The following ITPR3 variants were observed in gnomAD, a reference collection of about 807,000 sequenced individuals.
ITPR3 encodes the protein inositol 1,4,5-trisphosphate receptor type 3, also known as inositol 1,4,5-trisphosphate-gated calcium channel ITPR3.
Under a neutral mutation model 293.2 loss-of-function variants are expected in ITPR3, and 173 were observed. That is an observed-to-expected ratio of 0.59 (90% CI 0.52 to 0.67). ITPR3 has a LOEUF of 0.67. ITPR3 is among the 30% of genes least tolerant of loss of function. ITPR3 has a pLI of 0.00. For synonymous variants in ITPR3, 1,295 were observed against 1,444.4 expected (o/e 0.90, Z 2.35); for missense variants, 2,796 against 3,592.1 (o/e 0.78, Z 5.66).
Position 33,682,702 on chromosome 6 carries a change from G to T in ITPR3, c.4597+58G>T. 1 of 1,546,592 alleles carries T rather than the reference G, an allele frequency of 6.5e-7. No individual in the cohort carries two copies. The highest frequency in any genetic ancestry group is 8.7e-7 in the Non-Finnish European group (1 of 1,154,760). ...CCACTCCTCCTGCCGCTCACAGTGG[G>T]GACGCCTGCCCTCCTAATAAACACT... is the stretch of plus-strand genomic sequence containing the variant. On this transcript the variant is annotated intron_variant, in intron 34 of 57. Coordinates refer to ENST00000605930, the MANE Select transcript of ITPR3 (RefSeq NM_002224.4). The surrounding 1 kb of genome is among the most constrained non-coding windows in gnomAD (Gnocchi z 5.4).
Position 33,670,380 on chromosome 6 carries a change from G to T in ITPR3, c.2245G>T (p.Asp749Tyr). ...MCLDRQYLAI[D>Y]EISQQLGVDL... ...CTTGGACCGCCAGTACTTGGCCATC[G>T]ACGAGATCTCCCAGCAGCTGGGCGT... is the stretch of plus-strand genomic sequence containing the variant. The change falls in exon 19 of 58, where the codon GAC becomes TAC. Residue 749 changes from aspartate (D) to tyrosine (Y), a missense_variant. Physicochemically the swap from Asp to Tyr is radical, Grantham distance 160. Coordinates refer to ENST00000605930, the MANE Select transcript of ITPR3 (RefSeq NM_002224.4). This position sits in a 1 kb window ranked among gnomAD's most constrained non-coding sequence, Gnocchi z 6.7. 6.2e-7 allele frequency: 1 copy of T among 1,614,060 alleles called. No homozygotes were observed. Among genetic ancestry groups the T allele is most frequent in the East Asian group, 2.2e-5 (1 of 44,878 alleles).
chr6:33,675,864 G>C lies in ITPR3; in HGVS notation c.3282+8G>C, dbSNP rs1246911073. 6.4e-7 allele frequency: 1 copy of C among 1,553,164 alleles called. No homozygotes were observed. The highest frequency in any genetic ancestry group is 8.7e-7 in the Non-Finnish European group (1 of 1,148,124). ...ATGCACACCTTCAAGCAGGTGACGGGACTACCTGGCCCTGGCCCTGAGCAT... is the reference window on the plus strand; with the variant it reads ...ATGCACACCTTCAAGCAGGTGACGGCACTACCTGGCCCTGGCCCTGAGCAT... On this transcript the variant is annotated splice_region_variant and intron_variant, in intron 25 of 57. Transcript: ENST00000605930. The surrounding 1 kb of genome is among the most constrained non-coding windows in gnomAD (Gnocchi z 5.0).
Position 33,688,081 on chromosome 6 carries a change from T to A in ITPR3, c.6289T>A (p.Ser2097Thr). Residue 2097 changes from serine (S) to threonine (T), a missense_variant, in exon 47 of 58, where the codon TCA (serine) becomes ACA (threonine). Around this residue, in one of 8 missense-constraint regions of ITPR3, gnomAD observed 568 missense variants for 796.1 expected, o/e 0.71. Coordinates refer to ENST00000605930, the MANE Select transcript of ITPR3 (RefSeq NM_002224.4). ...GCTCAGCCTCAACAACAAGCAGCTG[T>A]CACAGATGCTCAAGTCCTCAGCGCC... is the stretch of plus-strand genomic sequence containing the variant. ...SMLSLNNKQLSQMLKSSAPAQ... is the reference protein window; with the variant it reads ...SMLSLNNKQLTQMLKSSAPAQ... The A allele has an allele frequency of 1.2e-6, 2 of 1,613,968 alleles. No homozygotes were observed. The highest frequency in any genetic ancestry group is 1.7e-6 in the Non-Finnish European group (2 of 1,179,942).
At chr6:33,671,467 C>A (rs2127284989) in intron 21 of ITPR3, among the ~76,000 whole-genome samples, 161 bp downstream of exon 21, 1 of 152,356 alleles carries the variant, frequency 6.6e-6, no homozygotes, top group African/African-American at 2.4e-5. Flanking sequence ...CCCACCTCAG[C>A]AGGACCAGAG....
At position 33,675,824 on chromosome 6, in the gene ITPR3, C is replaced by G. The variant is rs1299784211; in HGVS notation, c.3250C>G (p.Gln1084Glu). The G allele has an allele frequency of 6.3e-7, 1 of 1,586,454 alleles. No homozygotes were observed. The highest frequency in any genetic ancestry group is 1.8e-5 in the Admixed American group (1 of 55,798). Residue 1084 changes from glutamine to glutamate, a missense_variant, in exon 25 of 58, where the codon CAG (glutamine) becomes GAG (glutamate). Physicochemically the swap from Gln to Glu is conservative, Grantham distance 29 (BLOSUM62 2). This residue lies in a region of ITPR3 where 955 missense variants were observed against 1,180.8 expected (regional missense o/e 0.81). Coordinates refer to ENST00000605930, the MANE Select transcript of ITPR3 (RefSeq NM_002224.4). This position sits in a 1 kb window ranked among gnomAD's most constrained non-coding sequence, Gnocchi z 5.0. ...GCAGCTGCTCTTCAAGCACTTCAGCCAGCGCCAGGAGGCCATGCACACCTT... is the reference window on the plus strand; with the variant it reads ...GCAGCTGCTCTTCAAGCACTTCAGCGAGCGCCAGGAGGCCATGCACACCTT... ...ALQLLFKHFS[Q>E]RQEAMHTFKQ... is the part of the protein sequence containing the mutation.
intron 2 of ITPR3, among the ~76,000 whole-genome samples, chr6:33,651,608 C>T (rs2127252002): frequency 6.6e-6 from 1 of 152,304 alleles, no homozygotes; most frequent in South Asian, 2.1e-4. Context: ...AAATAAAAGT[C>T]CATGCTTCCG....
intron 50 of ITPR3, among the ~76,000 whole-genome samples, chr6:33,689,657 G>A (rs540684448): frequency 6.6e-6 from 1 of 152,366 alleles, no homozygotes; most frequent in East Asian, 1.9e-4. Context: ...ACAGGGTCAG[G>A]GTGGCTGTGC....
chr6:33,695,871 C>A lies in ITPR3; in HGVS notation c.*91C>A. The stretch of plus-strand genomic sequence containing the variant: ...GCCCCCTCCCTCGGGTTGGGTGGCC[C>A]AGCCAGCTGGCCAGCCTCCACTCCC... On this transcript the variant is annotated 3_prime_UTR_variant, in exon 58 of 58. Transcript: ENST00000605930. 2.3e-6 allele frequency: 3 copies of A among 1,327,562 alleles called. No individual in the cohort carries two copies. Among genetic ancestry groups the A allele is most frequent in the South Asian group, 1.2e-5 (1 of 83,234 alleles). 82.2% of individuals were successfully genotyped at this position (1,327,562 alleles called of 1,614,324 possible).
Position 33,672,297 on chromosome 6 carries a change from G to A in ITPR3, c.2928+69G>A. On this transcript the variant is annotated intron_variant, in intron 22 of 57. Coordinates refer to ENST00000605930, the MANE Select transcript of ITPR3 (RefSeq NM_002224.4). The surrounding 1 kb of genome is among the most constrained non-coding windows in gnomAD (Gnocchi z 5.0). ...AGGGTAATGGGGCGGGTACAGGGAG[G>A]CTGGGCAGGGCGAACCCCTTCAGAT... 1 of 1,386,356 alleles carries A rather than the reference G, an allele frequency of 7.2e-7. No homozygotes were observed. Among genetic ancestry groups the A allele is most frequent in the East Asian group, 2.3e-5 (1 of 43,498 alleles). The allele number at this position is 1,386,356 out of a possible 1,614,324, so 85.9% of individuals were successfully genotyped here. A position where few individuals can be genotyped will look rare whatever the true frequency, so the allele number is the denominator to read the frequency against.
At position 33,621,555 on chromosome 6, in the gene ITPR3, C is replaced by T. The variant is rs55774724; in HGVS notation, c.-48C>T. ...CAGTCCTCCGCACTGAGCTTGGCCA[C>T]GCGCCCCTAGGCGCCCCCCACGCCC... On this transcript the variant is annotated 5_prime_UTR_variant, in exon 1 of 58. It adds an upstream start codon to the 5' untranslated region. Transcript: ENST00000605930. The surrounding 1 kb of genome is among the most constrained non-coding windows in gnomAD (Gnocchi z 7.7). 0.059 allele frequency: 84,995 copies of T among 1,445,402 alleles called. 2,823 individuals carry two copies. The highest frequency in any genetic ancestry group is 0.1 in the East Asian group (4,181 of 41,006). The allele number at this position is 1,445,402 out of a possible 1,614,324, so 89.5% of individuals were successfully genotyped here.
rs1031983161 is a variant in ITPR3 at position 33,677,188 on chromosome 6, C to G, written c.3522+99C>G. 3.8e-5 allele frequency: 41 copies of G among 1,076,412 alleles called. 2 individuals carry two copies. Among genetic ancestry groups the G allele is most frequent in the Admixed American group, 3.3e-4 (17 of 51,744 alleles). 66.7% of individuals were successfully genotyped at this position (1,076,412 alleles called of 1,614,324 possible). A position where few individuals can be genotyped will look rare whatever the true frequency, so the allele number is the denominator to read the frequency against. On this transcript the variant is annotated intron_variant, in intron 27 of 57. Transcript: ENST00000605930. ...CCTGTGCCTCTCCCTGTGCTGGCCA[C>G]TGGCCCTCACAAGAGACATCTTTCA...
rs779395842 is a variant in ITPR3 at position 33,621,574 on chromosome 6, C to A, written c.-29C>A. On this transcript the variant is annotated 5_prime_UTR_variant, in exon 1 of 58. Transcript: ENST00000605930. This position sits in a 1 kb window ranked among gnomAD's most constrained non-coding sequence, Gnocchi z 7.7. ...TGGCCACGCGCCCCTAGGCGCCCCC[C>A]ACGCCCTGGGCCCCGGAGGGCCGCA... 93 of 1,549,760 alleles carry A rather than the reference C, an allele frequency of 6.0e-5. 3 individuals are homozygous for A. In the South Asian group the frequency reaches 1.1e-3, roughly 18 times the overall value.
At chr6:33,673,941 G>T (rs1173108757) in intron 23 of ITPR3, among the ~76,000 whole-genome samples, 4 of 152,212 alleles carry the variant, frequency 2.6e-5, no homozygotes, top group Admixed American at 6.5e-5. Flanking sequence ...GCAGGGACTT[G>T]CTCGAGGTGA....
At chr6:33,623,163 G>A (rs1485404195) in intron 1 of ITPR3, among the ~76,000 whole-genome samples, 1 of 152,096 alleles carries the variant, frequency 6.6e-6, no homozygotes, top group Non-Finnish European at 1.5e-5. Flanking sequence ...GCTGAGGGAA[G>A]GAGGAGAGGG....
intron 1 of ITPR3, among the ~76,000 whole-genome samples, chr6:33,635,212 G>A (rs974534077): frequency 1.3e-5 from 2 of 152,112 alleles, no homozygotes; most frequent in Non-Finnish European, 2.9e-5. Flanking sequence ...TCTCTGATTG[G>A]CCAAGCAGTG....
At chr6:33,663,426 C>G (rs949793108) in intron 9 of ITPR3, 74 bp from the exon 10 acceptor site, 20 of 1,450,296 alleles carry the variant, frequency 1.4e-5, no homozygotes, top group Non-Finnish European at 1.6e-5. Context: ...ATGTAGGTGA[C>G]CATGTTTTGC....
At chr6:33,662,017 A>AAAAAAAAAAAAAAAT in intron 7 of ITPR3, among the ~76,000 whole-genome samples, 1 of 147,850 alleles carries the variant, frequency 6.8e-6, no homozygotes, top group East Asian at 2.0e-4. Flanking sequence ...AAAAAAAAAA[A>AAAAAAAAAAAAAAAT]GACAGGATCC....
intron 1 of ITPR3, among the ~76,000 whole-genome samples, chr6:33,625,688 G>A (rs985205598): frequency 1.3e-5 from 2 of 152,140 alleles, no homozygotes; most frequent in Non-Finnish European, 2.9e-5. Context: ...AGCTCTCAGG[G>A]CCTCTGGACC....
chr6:33,686,433 A>G lies in ITPR3; in HGVS notation c.5893A>G (p.Asn1965Asp). The change falls in exon 43 of 58, where the codon AAT becomes GAT. Residue 1965 changes from asparagine to aspartate, a missense_variant. Asn to Asp is a conservative substitution (Grantham distance 23). This residue lies in a region of ITPR3 where 704 missense variants were observed against 797.5 expected (regional missense o/e 0.88). Transcript: ENST00000605930. ...GACTTGCATTGTGACTCACGAGTCCAATGGCATAGACATCATCACCGCACT... is the reference window on the plus strand; with the variant it reads ...GACTTGCATTGTGACTCACGAGTCCGATGGCATAGACATCATCACCGCACT... The part of the protein sequence containing the change: ...NQTCIVTHES[N>D]GIDIITALIL... The G allele has an allele frequency of 6.2e-7, 1 of 1,614,232 alleles. No homozygotes were observed. The highest frequency in any genetic ancestry group is 8.5e-7 in the Non-Finnish European group (1 of 1,180,012).
Sources: gnomAD v4.1 joint callset for allele counts (sites outside exome capture counted in the v4.1 genomes callset) on GRCh38, gnomAD v4.1.1 for gene constraint, gnomAD v4.1.1 regional missense constraint, Gnocchi (gnomAD v3.1) non-coding constraint, MANE v1.5 for transcripts, NCBI Gene and HGNC (gene_info 2026-07-23, HGNC 2026-07-21) for gene names.